Variants in PHKB observed in about 807,000 individuals in gnomAD.
PHKB encodes phosphorylase b kinase regulatory subunit beta.
PHKB carries 122 observed loss-of-function variants against 152.1 expected under a neutral mutation model. The observed-to-expected ratio is 0.80, with a 90% CI of 0.69 to 0.93. The LOEUF is 0.93. PHKB is among the 40% of genes least tolerant of loss of function. PHKB has a pLI of 0.00. For missense variants in PHKB, 1,304 were observed against 1,328.4 expected (o/e 0.98, Z 0.29); for synonymous variants, 436 against 464.9 (o/e 0.94, Z 0.80).
At chr16:47,555,670 A>G (rs752268480) in intron 7 of PHKB, among the ~76,000 whole-genome samples, 21 of 152,278 alleles carry the variant, frequency 1.4e-4, no homozygotes, top group Admixed American at 2.6e-4. Flanking sequence ...AATATTTTGA[A>G]TTTCTTACAA....
chr16:47,646,990 T>G (rs1252292751), intron 16 of PHKB, among the ~76,000 whole-genome samples: 1 of 152,184 alleles, frequency 6.6e-6, no homozygotes, highest in Non-Finnish European at 1.5e-5. Flanking sequence ...TCCTAATTCA[T>G]TCCAAGACTA....
At chr16:47,664,643 A>G (rs1185885782) in intron 24 of PHKB, 18 of 521,496 alleles carry the variant, frequency 3.5e-5, no homozygotes, top group Non-Finnish European at 5.9e-5. Flanking sequence ...CAGTACAGTA[A>G]GACATCAAGC....
At chr16:47,663,757 T>C in intron 24 of PHKB, 23 bp downstream of exon 24, 2 of 1,338,614 alleles carry the variant, frequency 1.5e-6, no homozygotes, top group South Asian at 1.2e-5. Flanking sequence ...GTCCTTGTTG[T>C]TATGTTTTAT....
chr16:47,694,796 C>T (rs574419114), intron 28 of PHKB, among the ~76,000 whole-genome samples: 23 of 152,268 alleles, frequency 1.5e-4, no homozygotes, highest in Admixed American at 4.6e-4. Context: ...GGGCAGTGCA[C>T]GCTCACAACC....
chr16:47,574,775 C>A (rs753466715), intron 7 of PHKB, among the ~76,000 whole-genome samples: 2 of 152,170 alleles, frequency 1.3e-5, no homozygotes, highest in African/African-American at 2.4e-5. Flanking sequence ...CCTGACACCT[C>A]CCACCTTGCC....
chr16:47,556,180 G>A lies in PHKB; in HGVS notation c.710+8632G>A, dbSNP rs529016672. Among the ~76,000 whole-genome samples, 16 of 152,262 alleles carry A rather than the reference G, an allele frequency of 1.1e-4. No individual in the cohort carries two copies. The East Asian group carries it at 3.1e-3, about 29-fold the overall frequency. On this transcript the variant is annotated intron_variant, in intron 7 of 30. Transcript: ENST00000323584. The stretch of plus-strand genomic sequence containing the variant: ...CTTGAGATTTTGGGCTGAGACAATG[G>A]AGTTTTCTAGATATACAATCATGTC...
chr16:47,586,108 T>G (rs1971930723), intron 8 of PHKB, among the ~76,000 whole-genome samples: 1 of 152,232 alleles, frequency 6.6e-6, no homozygotes, highest in African/African-American at 2.4e-5. Context: ...CTCTATGAAG[T>G]GCCCCAACTT....
At chr16:47,483,702 A>G (rs1417128654) in intron 1 of PHKB, among the ~76,000 whole-genome samples, 2 of 152,234 alleles carry the variant, frequency 1.3e-5, no homozygotes, top group East Asian at 3.8e-4. Flanking sequence ...AACACACTCA[A>G]TAGAAGAGAA....
At chr16:47,602,117 G>A (rs920020871) in intron 13 of PHKB, among the ~76,000 whole-genome samples, 1 of 152,138 alleles carries the variant, frequency 6.6e-6, no homozygotes, top group South Asian at 2.1e-4. Flanking sequence ...CTGGAGTGCA[G>A]TGGTACCATC....
intron 14 of PHKB, among the ~76,000 whole-genome samples, chr16:47,623,653 A>G (rs1972658621): frequency 1.4e-5 from 2 of 143,408 alleles, no homozygotes; most frequent in African/African-American, 5.3e-5. Flanking sequence ...TCCCGGGTTC[A>G]TGTGATTCTC....
At chr16:47,626,847 T>C (rs567215151) in intron 14 of PHKB, among the ~76,000 whole-genome samples, 1 of 152,152 alleles carries the variant, frequency 6.6e-6, no homozygotes, top group Non-Finnish European at 1.5e-5. Context: ...GCCACTAGTC[T>C]CTCTCGTAGA....
intron 13 of PHKB, chr16:47,599,110 T>C (rs919530644): frequency 1.9e-6 from 1 of 515,854 alleles, no homozygotes; most frequent in South Asian, 2.9e-5. Flanking sequence ...ACTAGCATAA[T>C]TACAAAGAAG....
intron 7 of PHKB, among the ~76,000 whole-genome samples, chr16:47,557,488 A>G (rs1971396066): frequency 1.3e-5 from 2 of 152,364 alleles, no homozygotes; most frequent in South Asian, 4.1e-4. Context: ...TACTCATCTG[A>G]CAAAGGGCTA....
chr16:47,697,786 C>T (rs982632653), intron 29 of PHKB, among the ~76,000 whole-genome samples: 6 of 152,152 alleles, frequency 3.9e-5, no homozygotes, highest in Non-Finnish European at 7.4e-5. Flanking sequence ...AGGAATTTAG[C>T]ATCTAAAATG....
chr16:47,640,940 C>CTT, intron 14 of PHKB, 95 bp from the exon 15 acceptor site: 2 of 1,181,608 alleles, frequency 1.7e-6, no homozygotes, highest in Non-Finnish European at 2.5e-6. Flanking sequence ...TAATGAACTG[C>CTT]TTAGAGATGG....
intron 4 of PHKB, among the ~76,000 whole-genome samples, chr16:47,510,276 C>T (rs1289131227): frequency 6.6e-6 from 1 of 152,136 alleles, no homozygotes; most frequent in Non-Finnish European, 1.5e-5. Flanking sequence ...GTGATTGACT[C>T]AATCACCAGC....
At chr16:47,665,736 G>C (rs1027228136) in intron 25 of PHKB, 1 of 635,642 alleles carries the variant, frequency 1.6e-6, no homozygotes, top group Non-Finnish European at 2.9e-6. Context: ...GCAGGGATGA[G>C]GTGGAGGGAT....
rs562299460 is a variant in PHKB at position 47,503,916 on chromosome 16, A to G, written c.405+826A>G. The stretch of plus-strand genomic sequence containing the variant: ...TGTACATAACAACATTTAAAAAACT[A>G]TAAAGCTCTATACAAATATAATGGC... On this transcript the variant is annotated intron_variant, in intron 4 of 30. Coordinates refer to ENST00000323584, the MANE Select transcript of PHKB (RefSeq NM_000293.3). 6.6e-5 allele frequency among the ~76,000 whole-genome samples: 10 copies of G among 152,348 alleles called. No individual in the cohort carries two copies. The South Asian group carries it at 8.3e-4, about 13-fold the overall frequency.
chr16:47,683,654 CT>C (rs1202309678), intron 26 of PHKB, among the ~76,000 whole-genome samples: 1 of 152,190 alleles, frequency 6.6e-6, no homozygotes, highest in African/African-American at 2.4e-5. Context: ...TTTCCAGGTG[CT>C]GTCTGTCACC....
Sources: allele counts gnomAD v4.1 joint callset (sites outside exome capture counted in the v4.1 genomes callset), GRCh38; gene constraint gnomAD v4.1.1; transcripts MANE v1.5; gene names NCBI Gene and HGNC (gene_info 2026-07-23, HGNC 2026-07-21).